Variants in SLC25A18 observed in about 807,000 individuals in gnomAD.
SLC25A18 encodes the protein mitochondrial glutamate carrier 2.
Under a neutral mutation model 31.1 loss-of-function variants are expected in SLC25A18, and 24 were observed. The ratio of observed to expected loss-of-function variants is 0.77; its 90% CI spans 0.56 to 1.08. The LOEUF is 1.08. Ranked by LOEUF, SLC25A18 falls within the 50% of genes least tolerant of loss-of-function variation. The pLI is 0.00. For synonymous variants in SLC25A18, 173 were observed against 161.9 expected (o/e 1.07, Z -0.52); for missense variants, 371 against 418.5 (o/e 0.89, Z 0.99).
At chr22:17,585,087 A>T (rs896334390) in intron 7 of SLC25A18, among the ~76,000 whole-genome samples, 81 of 151,806 alleles carry the variant, frequency 5.3e-4, no homozygotes, top group African/African-American at 1.8e-3. Flanking sequence ...AGCAAGAACT[A>T]GTCTCCAGTA....
At chr22:17,574,853 T>TA (rs60827672) in intron 2 of SLC25A18, among the ~76,000 whole-genome samples, 3 of 144,088 alleles carry the variant, frequency 2.1e-5, no homozygotes, top group South Asian at 2.2e-4. Context: ...TTATTATTAT[T>TA]TATATATGTA....
chr22:17,564,626 C>T (rs2056885633), intron 1 of SLC25A18, among the ~76,000 whole-genome samples: 1 of 152,062 alleles, frequency 6.6e-6, no homozygotes, highest in Admixed American at 6.6e-5. Flanking sequence ...CTTTGGGAGG[C>T]CAAGGCGGGC....
At chr22:17,580,890 G>A (rs2057353483) in intron 3 of SLC25A18, 147 bp from the exon 4 acceptor site, 1 of 1,426,266 alleles carries the variant, frequency 7.0e-7, no homozygotes, top group Non-Finnish European at 9.2e-7. Flanking sequence ...GACCAGACCT[G>A]GGCCAGGGAG....
chr22:17,590,105 A>G lies in SLC25A18; in HGVS notation c.817A>G (p.Ile273Val). 1 of 1,614,078 alleles carries G rather than the reference A, an allele frequency of 6.2e-7. No individual in the cohort carries two copies. The highest frequency in any genetic ancestry group is 8.5e-7 in the Non-Finnish European group (1 of 1,180,030). Residue 273 changes from isoleucine (I) to valine (V), a missense_variant, in exon 11 of 11, where the codon ATT becomes GTT. Coordinates refer to ENST00000327451, the MANE Select transcript of SLC25A18 (RefSeq NM_031481.3). ...CTTCTTTCTCCCCAGGAAACTCTGG[A>G]TTCAGGAGGGACCATCTGCCTTCAT... The part of the protein sequence containing the change: ...GITDCARKLW[I>V]QEGPSAFMKG...
intron 2 of SLC25A18, among the ~76,000 whole-genome samples, chr22:17,571,820 A>G (rs918472789): frequency 6.6e-6 from 1 of 151,390 alleles, no homozygotes; most frequent in African/African-American, 2.4e-5. Flanking sequence ...GGAGTTTGAG[A>G]CCACCCTGGC....
intron 1 of SLC25A18, among the ~76,000 whole-genome samples, chr22:17,566,459 C>G (rs1053729478): frequency 2.8e-4 from 42 of 151,812 alleles, no homozygotes; most frequent in Admixed American, 2.8e-3. Context: ...GTTGCCCAAG[C>G]TGGAGTGCAA....
intron 7 of SLC25A18, among the ~76,000 whole-genome samples, chr22:17,585,879 C>A (rs915164890): frequency 6.6e-6 from 1 of 151,850 alleles, no homozygotes; most frequent in African/African-American, 2.4e-5. Context: ...TCTTGAACTC[C>A]CGACCTCAGG....
chr22:17,577,901 T>A (rs1421556963), intron 2 of SLC25A18, among the ~76,000 whole-genome samples: 1 of 151,770 alleles, frequency 6.6e-6, no homozygotes, highest in East Asian at 1.9e-4. Flanking sequence ...GGTCTCGAAC[T>A]CCTGACCTCA....
chr22:17,578,548 G>C (rs1484823995), intron 2 of SLC25A18, among the ~76,000 whole-genome samples: 1 of 152,178 alleles, frequency 6.6e-6, no homozygotes, highest in Non-Finnish European at 1.5e-5. Flanking sequence ...GCACCGGAGA[G>C]AAGAGGCTCC....
At chr22:17,566,088 C>T (rs186585320) in intron 1 of SLC25A18, among the ~76,000 whole-genome samples, 11 of 152,266 alleles carry the variant, frequency 7.2e-5, no homozygotes, top group African/African-American at 1.4e-4. Flanking sequence ...TCTCTACATC[C>T]GCACCAATGC....
At chr22:17,586,883 G>A (rs1033379983) in intron 7 of SLC25A18, among the ~76,000 whole-genome samples, 24 of 152,330 alleles carry the variant, frequency 1.6e-4, no homozygotes, top group South Asian at 8.3e-4. Flanking sequence ...AGAAGCAAGC[G>A]GGCCAGGCTG....
chr22:17,570,151 T>A, intron 2 of SLC25A18, 165 bp downstream of exon 2: 1 of 282,520 alleles, frequency 3.5e-6, no homozygotes, highest in Non-Finnish European at 5.3e-6. Flanking sequence ...TGGCCGCCCC[T>A]GACCATGGGG....
intron 2 of SLC25A18, 119 bp downstream of exon 2, chr22:17,570,105 TGTTGGATAGA>T: frequency 1.4e-6 from 1 of 709,278 alleles, no homozygotes. Flanking sequence ...TCATCCCATT[TGTTGGATAGA>T]GTCAGAAGGG....
chr22:17,581,198 C>A, intron 4 of SLC25A18, 39 bp downstream of exon 4: 1 of 1,570,608 alleles, frequency 6.4e-7, no homozygotes. Flanking sequence ...CAGAGGCGCC[C>A]GGGGGAGGGA....
chr22:17,585,647 A>ATTTT (rs1449640998), intron 7 of SLC25A18, among the ~76,000 whole-genome samples: 82 of 138,370 alleles, frequency 5.9e-4, no homozygotes, highest in African/African-American at 2.4e-3. Context: ...TATTATTATT[A>ATTTT]TTATTTTTTT....
chr22:17,583,587 C>A, intron 7 of SLC25A18, 53 bp downstream of exon 7: 1 of 1,586,198 alleles, frequency 6.3e-7, no homozygotes, highest in South Asian at 1.1e-5. Flanking sequence ...GGATTGGAAC[C>A]AGGCACATCC....
chr22:17,566,410 C>A (rs933127340), intron 1 of SLC25A18, among the ~76,000 whole-genome samples: 2 of 148,254 alleles, frequency 1.3e-5, no homozygotes, highest in African/African-American at 5.2e-5. Context: ...AGCAGGCTGT[C>A]ATTTTCTTTT....
rs776753484 is a variant in SLC25A18 at position 17,581,417 on chromosome 22, G to A, written c.199+4G>A. The A allele has an allele frequency of 3.7e-6, 6 of 1,613,918 alleles. No individual in the cohort carries two copies. Among genetic ancestry groups the A allele is most frequent in the Non-Finnish European group, 5.1e-6 (6 of 1,180,008 alleles). ...GGCTTCTTCGGCATGTACCGAGGTG[G>A]GCTTCTCAGGTCCCCTGGGAGGCTG... is the stretch of plus-strand genomic sequence containing the variant. On this transcript the variant is annotated splice_donor_region_variant and intron_variant, in intron 5 of 10. Coordinates refer to ENST00000327451, the MANE Select transcript of SLC25A18 (RefSeq NM_031481.3).
At chr22:17,567,260 A>T (rs2056961411) in intron 1 of SLC25A18, among the ~76,000 whole-genome samples, 1 of 145,360 alleles carries the variant, frequency 6.9e-6, no homozygotes, top group South Asian at 2.2e-4. Context: ...GTCCCATCTC[A>T]TAGATGAACA....
Sources: gnomAD v4.1 joint callset for allele counts (sites outside exome capture counted in the v4.1 genomes callset) on GRCh38, gnomAD v4.1.1 for gene constraint, MANE v1.5 for transcripts, NCBI Gene and HGNC (gene_info 2026-07-23, HGNC 2026-07-21) for gene names.